DMD: variants seen among roughly 807,000 people sequenced by gnomAD.
DMD encodes dystrophin, also known as mutant dystrophin.
DMD carries 63 observed loss-of-function variants against 330.1 expected under a neutral mutation model. The ratio of observed to expected loss-of-function variants is 0.19; its 90% CI spans 0.16 to 0.24. DMD has a LOEUF of 0.24. Ranked by LOEUF, DMD falls within the 10% of genes least tolerant of loss-of-function variation. DMD has a pLI of 1.00. For synonymous variants in DMD, 1,223 were observed against 959.8 expected (o/e 1.27, Z -5.07); for missense variants, 3,344 against 2,684.1 (o/e 1.25, Z -5.43).
rs149837887 is a variant in DMD at position 33,047,807 on chromosome X, T to C, written c.32-27607A>G. 9.5e-4 allele frequency among the ~76,000 whole-genome samples: 106 copies of C among 112,016 alleles called. 1 individual carries two copies. The highest frequency in any genetic ancestry group is 3.3e-3 in the African/African-American group (101 of 30,927). On this transcript the variant is annotated intron_variant, in intron 1 of 78. Transcript: ENST00000357033. Reference sequence around the variant, plus strand: ...TTACCTGCTTCTCCTGCACTCTTAGTATCCCCAAGTTATTGGCAGTGAATA... The same window carrying C: ...TTACCTGCTTCTCCTGCACTCTTAGCATCCCCAAGTTATTGGCAGTGAATA...
Position 32,780,884 on chromosome X carries a change from G to A in DMD, c.649+28609C>T, listed in dbSNP as rs772393398. On this transcript the variant is annotated intron_variant, in intron 7 of 78. Coordinates refer to ENST00000357033, the MANE Select transcript of DMD (RefSeq NM_004006.3). ...AGGCGGGCAGATCACGAGGTCAGGA[G>A]ATCGAGACCATCCTGGCTAACACAG... Among the ~76,000 whole-genome samples, 240 of 108,411 alleles carry A rather than the reference G, an allele frequency of 2.2e-3. 1 individual carries two copies. Among genetic ancestry groups the A allele is most frequent in the African/African-American group, 7.8e-3 (232 of 29,775 alleles). 94.1% of individuals were successfully genotyped at this position (108,411 alleles called of 115,157 possible). A position where few individuals can be genotyped will look rare whatever the true frequency, so the allele number is the denominator to read the frequency against.
chrX:32,197,355 AG>A (rs1325748948), intron 44 of DMD, among the ~76,000 whole-genome samples: 2 of 111,607 alleles, frequency 1.8e-5, no homozygotes, highest in Non-Finnish European at 3.8e-5. Context: ...TAAATGTACA[AG>A]TAACTCATTA....
At chrX:33,256,805 G>T (rs779840483) in intron 1 of DMD, among the ~76,000 whole-genome samples, 1 of 110,484 alleles carries the variant, frequency 9.1e-6, no homozygotes, top group South Asian at 3.8e-4. Flanking sequence ...AATGGCAAGT[G>T]CAATGTTTCT....
At chrX:32,635,940 G>C (rs7052451) in intron 11 of DMD, among the ~76,000 whole-genome samples, 13,260 of 111,124 alleles carry the variant, frequency 0.12, 1,995 homozygotes, top group African/African-American at 0.41. Flanking sequence ...TGAAGCTGTA[G>C]AAACCCTACT....
intron 48 of DMD, among the ~76,000 whole-genome samples, chrX:31,867,028 C>A (rs947742258): frequency 9.2e-6 from 1 of 109,204 alleles, no homozygotes; most frequent in Non-Finnish European, 1.9e-5. Flanking sequence ...ATAAAATATT[C>A]TTGGATTATT....
At chrX:33,317,939 T>C (rs960851090) in intron 1 of DMD, among the ~76,000 whole-genome samples, 1 of 111,695 alleles carries the variant, frequency 9.0e-6, no homozygotes, top group Non-Finnish European at 1.9e-5. Flanking sequence ...GAAGGGAACA[T>C]TTTCCCTTGT....
chrX:31,569,676 A>G (rs904709115), intron 55 of DMD, among the ~76,000 whole-genome samples: 1 of 103,358 alleles, frequency 9.7e-6, no homozygotes, highest in Non-Finnish European at 2.0e-5. Context: ...ATACGTATAT[A>G]TATATGCCAA....
intron 7 of DMD, among the ~76,000 whole-genome samples, chrX:32,773,404 C>T (rs182521884): frequency 9.0e-6 from 1 of 111,418 alleles, no homozygotes; most frequent in Non-Finnish European, 1.9e-5. Flanking sequence ...TTTATGTTAG[C>T]TAAATTCCAA....
intron 34 of DMD, among the ~76,000 whole-genome samples, chrX:32,378,440 GAT>G (rs2097912587): frequency 9.1e-6 from 1 of 109,439 alleles, no homozygotes; most frequent in African/African-American, 3.3e-5. Flanking sequence ...GATACTTTAA[GAT>G]AAAACTGATA....
chrX:33,186,718 C>T (rs2050281070), intron 1 of DMD, among the ~76,000 whole-genome samples: 1 of 110,828 alleles, frequency 9.0e-6, no homozygotes, highest in African/African-American at 3.3e-5. Context: ...AGTAATCCAG[C>T]GTGTAATTTC....
At chrX:32,095,601 T>A (rs1280626670) in intron 44 of DMD, among the ~76,000 whole-genome samples, 1 of 112,326 alleles carries the variant, frequency 8.9e-6, no homozygotes, top group African/African-American at 3.2e-5. Flanking sequence ...TCAAAGTACA[T>A]TCTAGTTCTT....
chrX:32,931,647 G>A (rs1439156546), intron 2 of DMD, among the ~76,000 whole-genome samples: 1 of 111,148 alleles, frequency 9.0e-6, no homozygotes, highest in Admixed American at 9.6e-5. Flanking sequence ...ACATGCTAAC[G>A]TATCAATTGA....
At chrX:32,840,822 G>C (rs2080094659) in intron 4 of DMD, among the ~76,000 whole-genome samples, 1 of 111,854 alleles carries the variant, frequency 8.9e-6, no homozygotes, top group South Asian at 3.7e-4. Flanking sequence ...GTCACTTCCA[G>C]TTTGGGCTAT....
At chrX:33,065,201 T>C (rs967330047) in intron 1 of DMD, among the ~76,000 whole-genome samples, 3 of 112,394 alleles carry the variant, frequency 2.7e-5, no homozygotes, top group Non-Finnish European at 3.7e-5. Context: ...TATAATTTTG[T>C]GTATACAGTA....
At chrX:32,155,737 T>G (rs915135773) in intron 44 of DMD, among the ~76,000 whole-genome samples, 6 of 111,714 alleles carry the variant, frequency 5.4e-5, no homozygotes, top group Non-Finnish European at 7.5e-5. Context: ...GGAAGATCAT[T>G]TATTGTGAGC....
intron 1 of DMD, among the ~76,000 whole-genome samples, chrX:33,137,933 T>C (rs1407392197): frequency 8.9e-6 from 1 of 112,059 alleles, no homozygotes; most frequent in African/African-American, 3.2e-5. Context: ...ACAATGAATA[T>C]AGTTGAGATT....
At chrX:31,235,227 C>T (rs1415668004) in intron 63 of DMD, among the ~76,000 whole-genome samples, 1 of 111,607 alleles carries the variant, frequency 9.0e-6, no homozygotes, top group African/African-American at 3.3e-5. Flanking sequence ...AATAGACCAT[C>T]GTGCAGTTTA....
chrX:33,030,247 G>A (rs73468856), intron 1 of DMD, among the ~76,000 whole-genome samples: 4,671 of 111,538 alleles, frequency 0.042, 244 homozygotes, highest in African/African-American at 0.14. Flanking sequence ...AAATAGACAC[G>A]ATTGCTACGT....
At chrX:32,494,429 G>C (rs1248349072) in intron 19 of DMD, among the ~76,000 whole-genome samples, 1 of 111,014 alleles carries the variant, frequency 9.0e-6, no homozygotes, top group East Asian at 2.8e-4. Context: ...AGAAATGACC[G>C]GTGAGAATTC....
Sources: allele counts gnomAD v4.1 joint callset (sites outside exome capture counted in the v4.1 genomes callset), GRCh38; gene constraint gnomAD v4.1.1; transcripts MANE v1.5; gene names NCBI Gene and HGNC (gene_info 2026-07-23, HGNC 2026-07-21).